PRKD1: variants seen among roughly 807,000 people sequenced by gnomAD.
PRKD1 encodes the protein protein kinase D1.
Under a neutral mutation model 95.9 loss-of-function variants are expected in PRKD1, and 63 were observed. The observed-to-expected ratio is 0.66, with a 90% confidence interval of 0.54 to 0.81. The LOEUF (loss-of-function observed/expected upper bound fraction) is 0.81. Ranked by LOEUF, PRKD1 falls within the 30% of genes least tolerant of loss-of-function variation. The pLI is 0.00. For missense variants in PRKD1, 1,048 were observed against 1,165.3 expected, an observed-to-expected ratio of 0.90 and a Z score of 1.47; for synonymous variants, 425 against 423.1, an observed-to-expected ratio of 1.00 and a Z score of -0.05.
chr14:29,636,703 GT>G (rs1880407812), intron 6 of PRKD1, among the ~76,000 whole-genome samples: 1 of 152,116 alleles, frequency 6.6e-6, no homozygotes, highest in African/African-American at 2.4e-5. Flanking sequence ...ATGGGGGTTT[GT>G]TGTACAGATT....
At chr14:29,804,857 A>G (rs1457580616) in intron 1 of PRKD1, among the ~76,000 whole-genome samples, 1 of 152,188 alleles carries the variant, frequency 6.6e-6, no homozygotes, top group Non-Finnish European at 1.5e-5. Flanking sequence ...CGTACTTTTA[A>G]TCATGACATT....
intron 1 of PRKD1, among the ~76,000 whole-genome samples, chr14:29,793,504 T>C (rs1889658422): frequency 6.6e-6 from 1 of 152,126 alleles, no homozygotes; most frequent in Non-Finnish European, 1.5e-5. Flanking sequence ...CACAGCTATC[T>C]TTTCCATGTG....
At chr14:29,804,607 T>C (rs1890163001) in intron 1 of PRKD1, among the ~76,000 whole-genome samples, 1 of 149,398 alleles carries the variant, frequency 6.7e-6, no homozygotes. Context: ...AAAAAATGCA[T>C]CCTAATGTTT....
chr14:29,708,857 T>C (rs1428393964), intron 2 of PRKD1, among the ~76,000 whole-genome samples: 1 of 152,164 alleles, frequency 6.6e-6, no homozygotes, highest in Non-Finnish European at 1.5e-5. Context: ...AGCAAGTCCC[T>C]GTCTCAAAAA....
intron 1 of PRKD1, among the ~76,000 whole-genome samples, chr14:29,857,351 A>AAAC (rs1203077884): frequency 6.6e-6 from 1 of 152,044 alleles, no homozygotes; most frequent in African/African-American, 2.4e-5. Flanking sequence ...CCATCAGAGA[A>AAAC]AACAACAACA....
intron 1 of PRKD1, among the ~76,000 whole-genome samples, chr14:29,785,043 A>T (rs1889205040): frequency 2.0e-5 from 3 of 152,216 alleles, no homozygotes; most frequent in Admixed American, 2.0e-4. Flanking sequence ...CTCAAAAGTG[A>T]TCAAGGGATG....
intron 1 of PRKD1, among the ~76,000 whole-genome samples, chr14:29,885,323 T>G (rs1304332037): frequency 1.3e-5 from 2 of 152,240 alleles, no homozygotes; most frequent in Non-Finnish European, 2.9e-5. Context: ...GCTTTATTTA[T>G]TTCTGTGAGA....
intron 13 of PRKD1, among the ~76,000 whole-genome samples, chr14:29,621,354 T>A (rs958585990): frequency 2.0e-5 from 3 of 151,672 alleles, no homozygotes; most frequent in South Asian, 2.1e-4. Context: ...ATAATAATAA[T>A]AAAAAGGGTT....
chr14:29,888,107 C>T (rs1193431680), intron 1 of PRKD1, among the ~76,000 whole-genome samples: 1 of 151,952 alleles, frequency 6.6e-6, no homozygotes, highest in African/African-American at 2.4e-5. Context: ...TTGAGACCAT[C>T]CTGGAAAACA....
chr14:29,613,880 G>A (rs1384813589), intron 13 of PRKD1, among the ~76,000 whole-genome samples: 1 of 152,138 alleles, frequency 6.6e-6, no homozygotes, highest in African/African-American at 2.4e-5. Context: ...TGAGATATGT[G>A]AGCACAGAGA....
chr14:29,610,571 G>A (rs559762137), intron 13 of PRKD1, among the ~76,000 whole-genome samples: 22 of 152,268 alleles, frequency 1.4e-4, no homozygotes, highest in African/African-American at 5.3e-4. Context: ...TTGCTGGTGG[G>A]AATATAAAAT....
intron 1 of PRKD1, among the ~76,000 whole-genome samples, chr14:29,836,825 A>G (rs925266081): frequency 4.6e-5 from 7 of 152,310 alleles, no homozygotes; most frequent in East Asian, 1.9e-4. Context: ...CTTAGGGCCA[A>G]TGAAAATGCT....
rs1009464859 is a variant in PRKD1 at position 29,747,873 on chromosome 14, A to G, written c.265-22199T>C. Reference sequence around the variant, plus strand: ...ATTCTCATGCCTCTGCCTACCGAGCAGCTGGGATTACAGGAGCCCACCACT... The same window carrying G: ...ATTCTCATGCCTCTGCCTACCGAGCGGCTGGGATTACAGGAGCCCACCACT... On this transcript the variant is annotated intron_variant, in intron 1 of 17. Coordinates refer to ENST00000331968, the MANE Select transcript of PRKD1 (RefSeq NM_002742.3). 2.6e-5 allele frequency among the ~76,000 whole-genome samples: 4 copies of G among 152,160 alleles called. No individual in the cohort carries two copies. In the East Asian group the frequency reaches 7.7e-4, roughly 29 times the overall value.
intron 1 of PRKD1, among the ~76,000 whole-genome samples, chr14:29,831,411 T>C (rs963388706): frequency 2.6e-5 from 4 of 152,022 alleles, no homozygotes; most frequent in Non-Finnish European, 5.9e-5. Flanking sequence ...CTAAAGCCAG[T>C]TCTCTCACTC....
chr14:29,634,308 C>G lies in PRKD1; in HGVS notation c.1314+110G>C, dbSNP rs148189428. 1.1e-5 allele frequency: 17 copies of G among 1,511,646 alleles called. No homozygotes were observed. In the South Asian group the frequency reaches 1.7e-4, roughly 15 times the overall value. 93.6% of individuals were successfully genotyped at this position (1,511,646 alleles called of 1,614,324 possible). A position where few individuals can be genotyped will look rare whatever the true frequency, so the allele number is the denominator to read the frequency against. On this transcript the variant is annotated intron_variant, in intron 8 of 17. Transcript: ENST00000331968. ...TACCTAATCCCGTGTCATGCCTGTG[C>G]TGAGGTTTACTCTGAGTAATGCAGA...
chr14:29,741,860 T>TTA (rs776100300), intron 1 of PRKD1, among the ~76,000 whole-genome samples: 2 of 152,106 alleles, frequency 1.3e-5, no homozygotes, highest in East Asian at 1.9e-4. Flanking sequence ...TGATTTTTTT[T>TTA]AAAAAAACTC....
At chr14:29,670,582 C>T (rs543074865) in intron 2 of PRKD1, among the ~76,000 whole-genome samples, 2 of 152,258 alleles carry the variant, frequency 1.3e-5, no homozygotes, top group South Asian at 4.1e-4. Flanking sequence ...AGAATGACTA[C>T]AAATTGTCCA....
At chr14:29,771,766 T>A (rs1016865331) in intron 1 of PRKD1, among the ~76,000 whole-genome samples, 1 of 152,204 alleles carries the variant, frequency 6.6e-6, no homozygotes, top group African/African-American at 2.4e-5. Context: ...AGGGCTGGAA[T>A]GCCTGCAAAC....
intron 2 of PRKD1, among the ~76,000 whole-genome samples, chr14:29,686,604 CA>C (rs1203650966): frequency 6.6e-6 from 1 of 152,154 alleles, no homozygotes; most frequent in Non-Finnish European, 1.5e-5. Flanking sequence ...TAAAGAACGC[CA>C]GTTCTTAGAT....
Sources: gnomAD v4.1 joint callset for allele counts (sites outside exome capture counted in the v4.1 genomes callset) on GRCh38, gnomAD v4.1.1 for gene constraint, MANE v1.5 for transcripts, NCBI Gene and HGNC (gene_info 2026-07-23, HGNC 2026-07-21) for gene names.